MAP2K5: variants seen among roughly 807,000 people sequenced by gnomAD.
MAP2K5 encodes mitogen-activated protein kinase kinase 5, also known as dual specificity mitogen-activated protein kinase kinase 5.
A neutral mutation model predicts 83.1 loss-of-function variants in MAP2K5; 49 were observed. The ratio of observed to expected loss-of-function variants is 0.59; its 90% CI spans 0.47 to 0.75. The LOEUF (loss-of-function observed/expected upper bound fraction) is 0.75. Among genes scored for constraint, MAP2K5 ranks in the 30% least tolerant of loss-of-function variants. The pLI is 0.00. For synonymous variants in MAP2K5, 202 were observed against 191.8 expected (o/e 1.05, Z -0.44); for missense variants, 457 against 557.5 (o/e 0.82, Z 1.82).
chr15:67,560,379 G>T (rs1400084579), intron 2 of MAP2K5, among the ~76,000 whole-genome samples: 1 of 152,206 alleles, frequency 6.6e-6, no homozygotes, highest in Admixed American at 6.5e-5. Flanking sequence ...ACTAAGCATA[G>T]ATATTAAAGA....
At chr15:67,745,836 T>C (rs2089594499) in intron 17 of MAP2K5, among the ~76,000 whole-genome samples, 4 of 152,332 alleles carry the variant, frequency 2.6e-5, no homozygotes, top group African/African-American at 9.6e-5. Flanking sequence ...AGTCACTGCA[T>C]TGTGTAACTG....
intron 8 of MAP2K5, among the ~76,000 whole-genome samples, chr15:67,620,784 TAAGTC>T (rs1374942840): frequency 6.6e-6 from 1 of 152,204 alleles, no homozygotes; most frequent in Non-Finnish European, 1.5e-5. Context: ...TATGTTTTGT[TAAGTC>T]AGGTATGATT....
chr15:67,698,436 C>G lies in MAP2K5; in HGVS notation c.972+4868C>G, dbSNP rs181704928. On this transcript the variant is annotated intron_variant, in intron 15 of 21. Transcript: ENST00000178640. The surrounding 1 kb of genome is among the most constrained non-coding windows in gnomAD (Gnocchi z 4.5). ...AACTCCTGGCCTCAAGTGATCCACC[C>G]TCCTTGGCCTCCCAAAGTGCTGGGA... Among the ~76,000 whole-genome samples the G allele has an allele frequency of 6.6e-4, 100 of 152,214 alleles. 1 individual carries two copies. In the East Asian group the frequency reaches 7.3e-3, roughly 11 times the overall value.
chr15:67,657,244 T>C (rs2087106579), intron 11 of MAP2K5, among the ~76,000 whole-genome samples: 1 of 152,208 alleles, frequency 6.6e-6, no homozygotes, highest in South Asian at 2.1e-4. Context: ...ATTTATATCC[T>C]TGGTAAAAGT....
rs1053277832 is a variant in MAP2K5, at chr15:67,802,413, G to A, written c.1243-4233G>A. 6.6e-6 allele frequency among the ~76,000 whole-genome samples: 1 copy of A among 152,214 alleles called. No individual in the cohort carries two copies. Among genetic ancestry groups the A allele is most frequent in the African/African-American group, 2.4e-5 (1 of 41,452 alleles). On this transcript the variant is annotated intron_variant, in intron 21 of 21. Coordinates refer to ENST00000178640, the MANE Select transcript of MAP2K5 (RefSeq NM_145160.3). The surrounding 1 kb of genome is among the most constrained non-coding windows in gnomAD (Gnocchi z 5.0). ...CCGGCACCTCCCGACTCTCCCCTGTGTCCCACTTTTGGAGTCATCCTGCCT... is the reference window on the plus strand; with the variant it reads ...CCGGCACCTCCCGACTCTCCCCTGTATCCCACTTTTGGAGTCATCCTGCCT...
At chr15:67,735,927 G>T (rs2089329820) in intron 17 of MAP2K5, among the ~76,000 whole-genome samples, 1 of 152,116 alleles carries the variant, frequency 6.6e-6, no homozygotes, top group African/African-American at 2.4e-5. Context: ...TTTGCAAGAA[G>T]CATGGGAAAG....
rs1213028494 is a variant in MAP2K5 at position 67,640,644 on chromosome 15, G to A, written c.586-5587G>A. The A allele has an allele frequency of 3.2e-6, 3 of 943,196 alleles. No homozygotes were observed. Among genetic ancestry groups the A allele is most frequent in the African/African-American group, 3.5e-5 (2 of 56,438 alleles). The allele number at this position is 943,196 out of a possible 1,614,324, so 58.4% of individuals were successfully genotyped here. The stretch of plus-strand genomic sequence containing the variant: ...AAGTGGTCAGTTGGACCCACACTTT[G>A]AATGTCTATGGGCACAATTAGATGA... On this transcript the variant is annotated intron_variant, in intron 9 of 21. Transcript: ENST00000178640. The surrounding 1 kb of genome is among the most constrained non-coding windows in gnomAD (Gnocchi z 4.6).
chr15:67,730,259 G>A (rs1473522671), intron 17 of MAP2K5, among the ~76,000 whole-genome samples: 1 of 152,092 alleles, frequency 6.6e-6, no homozygotes. Context: ...AGAAAAATGT[G>A]TATTTTTATA....
intron 6 of MAP2K5, among the ~76,000 whole-genome samples, chr15:67,590,441 C>T: frequency 1.7e-5 from 1 of 57,790 alleles, no homozygotes; most frequent in South Asian, 8.3e-4. Context: ...CTCTCTCCCT[C>T]CCTCCCTCTC....
At chr15:67,626,823 C>T (rs1393345641) in intron 8 of MAP2K5, among the ~76,000 whole-genome samples, 1 of 151,978 alleles carries the variant, frequency 6.6e-6, no homozygotes, top group Non-Finnish European at 1.5e-5. Context: ...TCGCTTGAGC[C>T]CGGGAGTTCA....
chr15:67,626,289 G>A (rs182092045), intron 8 of MAP2K5, among the ~76,000 whole-genome samples: 12 of 152,250 alleles, frequency 7.9e-5, no homozygotes, highest in Non-Finnish European at 1.6e-4. Flanking sequence ...TTGGGAGGCC[G>A]AGGCTGGTAG....
At chr15:67,718,718 C>A (rs765527601) in intron 16 of MAP2K5, among the ~76,000 whole-genome samples, 1 of 152,162 alleles carries the variant, frequency 6.6e-6, no homozygotes, top group Non-Finnish European at 1.5e-5. Flanking sequence ...GAGCCGAGAT[C>A]ATGCTACTGC....
At chr15:67,682,431 G>A (rs1276804934) in intron 13 of MAP2K5, among the ~76,000 whole-genome samples, 1 of 151,854 alleles carries the variant, frequency 6.6e-6, no homozygotes, top group East Asian at 2.0e-4. Flanking sequence ...TGCCACGTTG[G>A]CCAGGCTCAT....
At position 67,650,554 on chromosome 15, in the gene MAP2K5, G is replaced by A. The variant is rs1045218781; in HGVS notation, c.736+4085G>A. Reference sequence around the variant, plus strand: ...TAATTATGAAAGGGTATTAAATTTTGTCAAATGCCTGTTTTATATCTATTG... The same window carrying A: ...TAATTATGAAAGGGTATTAAATTTTATCAAATGCCTGTTTTATATCTATTG... On this transcript the variant is annotated intron_variant, in intron 11 of 21. Coordinates refer to ENST00000178640, the MANE Select transcript of MAP2K5 (RefSeq NM_145160.3). 6.3e-5 allele frequency among the ~76,000 whole-genome samples: 9 copies of A among 142,794 alleles called. No individual in the cohort carries two copies. The East Asian group carries it at 1.8e-3, about 29-fold the overall frequency. 93.7% of individuals were successfully genotyped at this position (142,794 alleles called of 152,430 possible).
chr15:67,592,317 A>G (rs2085432949), intron 6 of MAP2K5, among the ~76,000 whole-genome samples: 1 of 152,124 alleles, frequency 6.6e-6, no homozygotes, highest in South Asian at 2.1e-4. Flanking sequence ...ACAGTGCTAG[A>G]TTTTTTGTAA....
At chr15:67,684,180 A>G (rs1335571343) in intron 13 of MAP2K5, among the ~76,000 whole-genome samples, 1 of 152,234 alleles carries the variant, frequency 6.6e-6, no homozygotes, top group Non-Finnish European at 1.5e-5. Flanking sequence ...AATCCTACAA[A>G]GCTAGACAAC....
rs981462734 is a variant in MAP2K5 at position 67,752,365 on chromosome 15, A to G, written c.1134+3764A>G. On this transcript the variant is annotated intron_variant, in intron 19 of 21. Coordinates refer to ENST00000178640, the MANE Select transcript of MAP2K5 (RefSeq NM_145160.3). ...CATATGGTACTTTTTAGTTTTGCTA[A>G]GGTCACTATCAGGAGTACAAAGACT... 2.6e-5 allele frequency among the ~76,000 whole-genome samples: 4 copies of G among 151,688 alleles called. No homozygotes were observed. The South Asian group carries it at 8.4e-4, about 32-fold the overall frequency.
At chr15:67,633,092 C>T (rs1369290610) in intron 9 of MAP2K5, among the ~76,000 whole-genome samples, 3 of 152,194 alleles carry the variant, frequency 2.0e-5, no homozygotes. Flanking sequence ...CTGTGTCATA[C>T]CACCTTGGTG....
intron 12 of MAP2K5, chr15:67,659,029 G>T: frequency 4.1e-6 from 1 of 246,242 alleles, no homozygotes; most frequent in Non-Finnish European, 8.1e-6. Context: ...AGTAGTATTA[G>T]TAAAGATTTT....
Sources: gnomAD v4.1 joint callset for allele counts (sites outside exome capture counted in the v4.1 genomes callset) on GRCh38, gnomAD v4.1.1 for gene constraint, Gnocchi (gnomAD v3.1) non-coding constraint, MANE v1.5 for transcripts, NCBI Gene and HGNC (gene_info 2026-07-23, HGNC 2026-07-21) for gene names.